The following CPED1 variants were observed in gnomAD, a reference collection of about 807,000 sequenced individuals.
The protein encoded by CPED1 is cadherin-like and PC-esterase domain-containing protein 1.
A neutral mutation model predicts 128.2 loss-of-function variants in CPED1; 114 were observed. The ratio of observed to expected loss-of-function variants is 0.89; its 90% CI spans 0.76 to 1.04. CPED1 has a LOEUF of 1.04. Among genes scored for constraint, CPED1 ranks in the 50% least tolerant of loss-of-function variants. CPED1 has a pLI of 0.00. For synonymous variants in CPED1, 462 were observed against 426.7 expected (o/e 1.08, Z -1.02); for missense variants, 1,211 against 1,207.1 (o/e 1.00, Z -0.05).
intron 16 of CPED1, among the ~76,000 whole-genome samples, chr7:121,216,307 C>T (rs948411832): frequency 2.0e-5 from 3 of 151,934 alleles, no homozygotes; most frequent in African/African-American, 7.2e-5. Flanking sequence ...ATCTCCTAGC[C>T]ATAAGGAAAA....
At chr7:121,025,888 A>T (rs745886034) in intron 3 of CPED1, among the ~76,000 whole-genome samples, 4 of 152,138 alleles carry the variant, frequency 2.6e-5, no homozygotes, top group Non-Finnish European at 5.9e-5. Flanking sequence ...CAGGTACCTG[A>T]TAGATGTTTT....
chr7:121,005,509 G>T (rs886559281), intron 2 of CPED1, among the ~76,000 whole-genome samples: 2 of 152,028 alleles, frequency 1.3e-5, no homozygotes, highest in South Asian at 2.1e-4. Context: ...GTCGGCGGGT[G>T]GGGGGCTGGG....
chr7:121,209,873 C>G (rs112692441), intron 16 of CPED1, among the ~76,000 whole-genome samples: 1 of 151,834 alleles, frequency 6.6e-6, no homozygotes, highest in African/African-American at 2.4e-5. Context: ...GAATTAATAA[C>G]CAGAACACAT....
intron 3 of CPED1, among the ~76,000 whole-genome samples, chr7:121,023,128 C>T (rs1792485834): frequency 6.6e-6 from 1 of 151,932 alleles, no homozygotes; most frequent in Non-Finnish European, 1.5e-5. Flanking sequence ...ATCATTTTGT[C>T]AGAATTATTT....
chr7:121,218,724 G>A (rs1436548262), intron 16 of CPED1, among the ~76,000 whole-genome samples: 1 of 152,006 alleles, frequency 6.6e-6, no homozygotes, highest in African/African-American at 2.4e-5. Flanking sequence ...GGGGCTAGGG[G>A]AGGGATAGCA....
At chr7:121,128,289 A>C in intron 10 of CPED1, 93 bp from the exon 11 acceptor site, 1 of 713,826 alleles carries the variant, frequency 1.4e-6, no homozygotes, top group Non-Finnish European at 2.5e-6. Context: ...ATAGAACTCA[A>C]AATCTGATTG....
chr7:121,108,294 A>C (rs1202590501), intron 7 of CPED1, among the ~76,000 whole-genome samples: 1 of 152,126 alleles, frequency 6.6e-6, no homozygotes, highest in African/African-American at 2.4e-5. Context: ...TAGATTGCGA[A>C]TGATGATAAT....
intron 3 of CPED1, among the ~76,000 whole-genome samples, chr7:121,020,973 A>G (rs1792424767): frequency 6.6e-6 from 1 of 152,018 alleles, no homozygotes; most frequent in Non-Finnish European, 1.5e-5. Flanking sequence ...ACATTCTAAT[A>G]TGAGTTGAGA....
intron 3 of CPED1, among the ~76,000 whole-genome samples, chr7:121,038,588 T>A (rs1792963143): frequency 6.6e-6 from 1 of 152,116 alleles, no homozygotes; most frequent in Admixed American, 6.6e-5. Flanking sequence ...ATTCATTTAT[T>A]CAGACTTTTT....
chr7:121,081,168 C>G (rs916787073), intron 5 of CPED1, among the ~76,000 whole-genome samples: 1 of 152,146 alleles, frequency 6.6e-6, no homozygotes, highest in Non-Finnish European at 1.5e-5. Flanking sequence ...GGCGTCTAGC[C>G]TCTTCCAATC....
At chr7:121,175,600 A>C (rs538316841) in intron 16 of CPED1, among the ~76,000 whole-genome samples, 3 of 152,260 alleles carry the variant, frequency 2.0e-5, no homozygotes, top group East Asian at 1.9e-4. Context: ...CCAGTCTTCT[A>C]TTCTACCTTA....
intron 16 of CPED1, among the ~76,000 whole-genome samples, chr7:121,198,094 A>G (rs1797310064): frequency 6.6e-6 from 1 of 152,186 alleles, no homozygotes; most frequent in Non-Finnish European, 1.5e-5. Context: ...CAAGATTACA[A>G]TAAAAAGTCA....
intron 16 of CPED1, among the ~76,000 whole-genome samples, chr7:121,192,614 A>G (rs1397420453): frequency 6.9e-6 from 1 of 144,192 alleles, no homozygotes; most frequent in Admixed American, 7.2e-5. Flanking sequence ...TTGGCACATT[A>G]TGTTCAAACT....
intron 18 of CPED1, among the ~76,000 whole-genome samples, chr7:121,245,696 A>G (rs1413063672): frequency 6.7e-6 from 1 of 149,554 alleles, no homozygotes; most frequent in African/African-American, 2.5e-5. Context: ...TGGCTACTCC[A>G]CAGGCATTTT....
chr7:121,201,352 G>C (rs1797392365), intron 16 of CPED1, among the ~76,000 whole-genome samples: 1 of 151,858 alleles, frequency 6.6e-6, no homozygotes, highest in Admixed American at 6.6e-5. Flanking sequence ...GAATTGCTTG[G>C]ACCTAGGAGG....
rs921779898 is a variant in CPED1 at position 121,128,494 on chromosome 7, A to C, written c.1407+8A>C. ...CTGGGACAATTCCAACTGGTAAAGC[A>C]AAAGTGACATTTGATTCTTTCTTGG... On this transcript the variant is annotated splice_region_variant and intron_variant, in intron 11 of 22. Transcript: ENST00000310396. 16 of 1,401,226 alleles carry C rather than the reference A, an allele frequency of 1.1e-5. No individual in the cohort carries two copies. The highest frequency in any genetic ancestry group is 1.6e-5 in the Non-Finnish European group (16 of 986,078). 86.8% of individuals were successfully genotyped at this position (1,401,226 alleles called of 1,614,324 possible). A position where few individuals can be genotyped will look rare whatever the true frequency, so the allele number is the denominator to read the frequency against.
intron 17 of CPED1, among the ~76,000 whole-genome samples, chr7:121,237,304 T>C (rs1464853100): frequency 1.3e-5 from 2 of 152,164 alleles, no homozygotes; most frequent in East Asian, 3.9e-4. Context: ...TTGTACATAG[T>C]AGTTAGAAAA....
chr7:121,186,612 G>A (rs957545014), intron 16 of CPED1, among the ~76,000 whole-genome samples: 4 of 152,080 alleles, frequency 2.6e-5, no homozygotes, highest in African/African-American at 9.7e-5. Context: ...GATACCTGCA[G>A]TTTATTGAAG....
rs1037203986 is a variant in CPED1 at position 121,232,242 on chromosome 7, C to T, written c.2056-4472C>T. ...TCCCCCTCACCTGTTTTCCCTGTGCCGGGATGGGTTTTGGGGAAGGTGAGG... is the reference window on the plus strand; with the variant it reads ...TCCCCCTCACCTGTTTTCCCTGTGCTGGGATGGGTTTTGGGGAAGGTGAGG... On this transcript the variant is annotated intron_variant, in intron 16 of 22. Transcript: ENST00000310396. 2.0e-5 allele frequency among the ~76,000 whole-genome samples: 3 copies of T among 152,022 alleles called. No homozygotes were observed. In the East Asian group the frequency reaches 5.8e-4, roughly 29 times the overall value.
Sources: gnomAD v4.1 joint callset for allele counts (sites outside exome capture counted in the v4.1 genomes callset) on GRCh38, gnomAD v4.1.1 for gene constraint, MANE v1.5 for transcripts, NCBI Gene and HGNC (gene_info 2026-07-23, HGNC 2026-07-21) for gene names.